Variants in NUDCD2 observed in about 807,000 individuals in gnomAD.
NUDCD2 encodes the protein nudC domain-containing protein 2.
A neutral mutation model predicts 20.8 loss-of-function variants in NUDCD2; 16 were observed. That is an observed-to-expected ratio of 0.77 (90% CI 0.52 to 1.17). The LOEUF (loss-of-function observed/expected upper bound fraction) is 1.17, where lower values mean the gene tolerates loss of function less well. Among genes scored for constraint, NUDCD2 ranks in the 50% most tolerant of loss-of-function variants. NUDCD2 has a pLI of 0.00. For missense variants in NUDCD2, 199 were observed against 193.9 expected (o/e 1.03, Z -0.16); for synonymous variants, 87 against 72.8 (o/e 1.20, Z -1.00).
rs1758178143 is a variant in NUDCD2, at chr5:163,451,575, A to G, written c.*2392T>C. 1 of 152,208 alleles carries G rather than the reference A, an allele frequency of 6.6e-6. No individual in the cohort carries two copies. Among genetic ancestry groups the G allele is most frequent in the Admixed American group, 6.5e-5 (1 of 15,276 alleles). 9.4% of individuals were successfully genotyped at this position (152,208 alleles called of 1,614,324 possible). A position where few individuals can be genotyped will look rare whatever the true frequency, so the allele number is the denominator to read the frequency against. ...TCAAAGAGAATAAAATTAAAAGAAA[A>G]ATAGCCTCTTCCCCCGACAATTCAT... On this transcript the variant is annotated 3_prime_UTR_variant, in exon 4 of 4. Coordinates refer to ENST00000302764, the MANE Select transcript of NUDCD2 (RefSeq NM_145266.6).
In NUDCD2 at chr5:163,448,088, G is replaced by C. The variant is rs1758083984; in HGVS notation, c.*5879C>G. 1 of 151,794 alleles carries C rather than the reference G, an allele frequency of 6.6e-6. No individual in the cohort carries two copies. Among genetic ancestry groups the C allele is most frequent in the Non-Finnish European group, 1.5e-5 (1 of 67,998 alleles). 9.4% of individuals were successfully genotyped at this position (151,794 alleles called of 1,614,324 possible). ...AGGTAGGAGGATCATGACCCCACGA[G>C]TTTGAGGCTGCAGTGAGCTATGATC... On this transcript the variant is annotated 3_prime_UTR_variant, in exon 4 of 4. Transcript: ENST00000302764.
Position 163,448,670 on chromosome 5 carries a change from G to A in NUDCD2, c.*5297C>T, listed in dbSNP as rs934190320. 1 of 151,700 alleles carries A rather than the reference G, an allele frequency of 6.6e-6. No homozygotes were observed. The highest frequency in any genetic ancestry group is 1.5e-5 in the Non-Finnish European group (1 of 67,922). The allele number at this position is 151,700 out of a possible 1,614,324, so 9.4% of individuals were successfully genotyped here. On this transcript the variant is annotated 3_prime_UTR_variant, in exon 4 of 4. Coordinates refer to ENST00000302764, the MANE Select transcript of NUDCD2 (RefSeq NM_145266.6). ...CATACCAAGATAAAGATAACACAAG[G>A]AAAAAACAAACAAAAACAATTGCAC...
chr5:163,456,282 C>T (rs1758308038), intron 3 of NUDCD2, among the ~76,000 whole-genome samples: 1 of 152,132 alleles, frequency 6.6e-6, no homozygotes, highest in African/African-American at 2.4e-5. Context: ...TATCTTAGAA[C>T]ACTTGAGTAG....
chr5:163,457,930 T>C (rs1758364235), intron 1 of NUDCD2, among the ~76,000 whole-genome samples: 1 of 151,746 alleles, frequency 6.6e-6, no homozygotes, highest in African/African-American at 2.4e-5. Context: ...TTCTACCAAT[T>C]TAAATTAACC....
intron 3 of NUDCD2, among the ~76,000 whole-genome samples, chr5:163,455,753 G>A (rs200216252): frequency 3.5e-5 from 5 of 142,636 alleles, no homozygotes; most frequent in Middle Eastern, 3.7e-3. Flanking sequence ...AAAAAAAAAA[G>A]AACTGCTCTA....
intron 3 of NUDCD2, 135 bp downstream of exon 3, chr5:163,456,794 A>G: frequency 1.4e-6 from 1 of 709,360 alleles, no homozygotes; most frequent in Non-Finnish European, 2.1e-6. Flanking sequence ...CCATTTTTCT[A>G]ACAATTCACT....
At chr5:163,457,293 G>A (rs866147107) in intron 2 of NUDCD2, among the ~76,000 whole-genome samples, 4 of 151,994 alleles carry the variant, frequency 2.6e-5, no homozygotes, top group African/African-American at 7.3e-5. Context: ...CACCATGCCC[G>A]GCTAACTTTT....
At chr5:163,456,687 A>G (rs1422964566) in intron 3 of NUDCD2, among the ~76,000 whole-genome samples, 5 of 152,188 alleles carry the variant, frequency 3.3e-5, no homozygotes, top group Admixed American at 6.6e-5. Context: ...TGCATTACTG[A>G]TGTACATAAA....
intron 3 of NUDCD2, among the ~76,000 whole-genome samples, chr5:163,454,837 A>T (rs1758263124): frequency 6.6e-6 from 1 of 151,540 alleles, no homozygotes; most frequent in South Asian, 2.1e-4. Flanking sequence ...GGTATGTAGA[A>T]TTCAAGAGTG....
chr5:163,450,778 TTATCA>T lies in NUDCD2; in HGVS notation c.*3184_*3188del, dbSNP rs1758158446. The stretch of plus-strand genomic sequence containing the variant: ...ACAGCTCCTCAAATGATTAACATAG[TTATCA>T]TATAACCTAAAAATTCTACTCCTAG... On this transcript the variant is annotated 3_prime_UTR_variant, in exon 4 of 4. Coordinates refer to ENST00000302764, the MANE Select transcript of NUDCD2 (RefSeq NM_145266.6). The T allele has an allele frequency of 2.0e-5, 3 of 152,310 alleles. No individual in the cohort carries two copies. In the South Asian group the frequency reaches 6.2e-4, roughly 32 times the overall value. 9.4% of individuals were successfully genotyped at this position (152,310 alleles called of 1,614,324 possible). A position where few individuals can be genotyped will look rare whatever the true frequency, so the allele number is the denominator to read the frequency against.
rs375907773 is a variant in NUDCD2, at chr5:163,459,944, G to A, written c.107C>T (p.Pro36Leu). 8.1e-5 allele frequency: 130 copies of A among 1,613,396 alleles called. No homozygotes were observed. The highest frequency in any genetic ancestry group is 1.6e-4 in the Middle Eastern group (1 of 6,076). ...CTGGATATCCTGGGCGCGCGTGCCT[G>A]GCGGCACCTGAACTTCAATGAACAC... ...EEVFIEVQVPPGTRAQDIQCG... is the reference protein window; with the variant it reads ...EEVFIEVQVPLGTRAQDIQCG... The change falls in exon 1 of 4, where the codon CCA becomes CTA. Residue 36 changes from proline to leucine, a missense_variant. Pro to Leu is a moderately conservative substitution (Grantham distance 98, BLOSUM62 -3). Coordinates refer to ENST00000302764, the MANE Select transcript of NUDCD2 (RefSeq NM_145266.6).
chr5:163,459,824 G>C, intron 1 of NUDCD2, 38 bp downstream of exon 1: 3 of 1,552,608 alleles, frequency 1.9e-6, no homozygotes, highest in Non-Finnish European at 8.7e-7. Flanking sequence ...GGGCGTCTGG[G>C]AAGAGGAAAC....
In NUDCD2 at chr5:163,457,979, CTTTTTT is replaced by C. The variant is rs540496894; in HGVS notation, c.190-375_190-370del. On this transcript the variant is annotated intron_variant, in intron 1 of 3. Transcript: ENST00000302764. ...TCCTGCTAAAACTAAAAAATGTTGT[CTTTTTT>C]TTTTTTTTTTTTTTTTTTTTTGAGA... Among the ~76,000 whole-genome samples the C allele has an allele frequency of 4.9e-3, 359 of 73,708 alleles. 1 individual carries two copies. The highest frequency in any genetic ancestry group is 7.3e-3 in the Admixed American group (35 of 4,822). 48.4% of individuals were successfully genotyped at this position (73,708 alleles called of 152,430 possible).
In NUDCD2 at chr5:163,457,602, G is replaced by C. The variant is rs765376918; in HGVS notation, c.198C>G (p.Leu66=). Residue 66 remains leucine (L), a synonymous_variant, in exon 2 of 4, where the codon CTC becomes CTG. Transcript: ENST00000302764. ...VGGREILKGK[L]FDSTIADEGT... ...CCTCATCAGCTATTGTAGAATCAAAGAGTTTGCCCTGAAAAATAAACATAT... is the reference window on the plus strand; with the variant it reads ...CCTCATCAGCTATTGTAGAATCAAACAGTTTGCCCTGAAAAATAAACATAT... 1 of 1,583,134 alleles carries C rather than the reference G, an allele frequency of 6.3e-7. No individual in the cohort carries two copies. The highest frequency in any genetic ancestry group is 2.2e-5 in the East Asian group (1 of 44,616).
rs185577864 is a variant in NUDCD2, at chr5:163,457,257, G to A, written c.239-177C>T. Among the ~76,000 whole-genome samples, 397 of 150,710 alleles carry A rather than the reference G, an allele frequency of 2.6e-3. 3 individuals are homozygous for A. The highest frequency in any genetic ancestry group is 9.2e-3 in the African/African-American group (377 of 41,116). ...AGTGATTCTCCTGCCTCAGCCTCCC[G>A]ACTAGCTGGGAATACAGGCATGCGC... On this transcript the variant is annotated intron_variant, in intron 2 of 3. Transcript: ENST00000302764.
rs1231773127 is a variant in NUDCD2 at position 163,449,473 on chromosome 5, G to A, written c.*4494C>T. 5.3e-5 allele frequency: 8 copies of A among 152,114 alleles called. No individual in the cohort carries two copies. Among genetic ancestry groups the A allele is most frequent in the Non-Finnish European group, 1.2e-4 (8 of 68,028 alleles). 9.4% of individuals were successfully genotyped at this position (152,114 alleles called of 1,614,324 possible). On this transcript the variant is annotated 3_prime_UTR_variant, in exon 4 of 4. Transcript: ENST00000302764. The stretch of plus-strand genomic sequence containing the variant: ...AAATGCTGATAACTGAAATGAAAGA[G>A]GTCCTAAATAGATACCTCATGTTCA...
chr5:163,455,580 G>A (rs905262759), intron 3 of NUDCD2, among the ~76,000 whole-genome samples: 3 of 152,128 alleles, frequency 2.0e-5, no homozygotes, highest in African/African-American at 7.2e-5. Context: ...TGGCCAACAC[G>A]GTGAAACCCC....
At chr5:163,454,643 T>G (rs530226219) in intron 3 of NUDCD2, among the ~76,000 whole-genome samples, 2 of 152,298 alleles carry the variant, frequency 1.3e-5, no homozygotes, top group African/African-American at 4.8e-5. Flanking sequence ...GCCCAGCCTA[T>G]AGCTAGCATT....
At chr5:163,459,805 C>T in intron 1 of NUDCD2, 57 bp downstream of exon 1, 1 of 1,474,718 alleles carries the variant, frequency 6.8e-7, no homozygotes, top group Non-Finnish European at 9.2e-7. Context: ...TTCAGGGAAA[C>T]GGGGCTGGGG....
Sources: allele counts gnomAD v4.1 joint callset (sites outside exome capture counted in the v4.1 genomes callset), GRCh38; gene constraint gnomAD v4.1.1; transcripts MANE v1.5; gene names NCBI Gene and HGNC (gene_info 2026-07-23, HGNC 2026-07-21).